Variants in GPR176 observed in about 807,000 individuals in gnomAD.
GPR176 encodes G protein-coupled receptor 176, also known as G-protein coupled receptor 176.
In GPR176, 26 loss-of-function variants were observed where a neutral mutation model predicts 35.4. The observed-to-expected ratio is 0.74, with a 90% CI of 0.54 to 1.02. The LOEUF (loss-of-function observed/expected upper bound fraction) is 1.02, where lower values mean the gene tolerates loss of function less well. Ranked by LOEUF, GPR176 falls within the 50% of genes least tolerant of loss-of-function variation. The pLI is 0.00. For missense variants in GPR176, 597 were observed against 665.3 expected, an observed-to-expected ratio of 0.90 and a Z score of 1.13; for synonymous variants, 278 against 271.3, an observed-to-expected ratio of 1.02 and a Z score of -0.24.
chr15:39,812,895 T>A (rs1899667626), intron 1 of GPR176, among the ~76,000 whole-genome samples: 1 of 151,856 alleles, frequency 6.6e-6, no homozygotes, highest in East Asian at 1.9e-4. Flanking sequence ...TGGTGCATAC[T>A]ACCATGCTTG....
At chr15:39,909,572 A>C (rs1204509878) in intron 1 of GPR176, among the ~76,000 whole-genome samples, 1 of 152,220 alleles carries the variant, frequency 6.6e-6, no homozygotes, top group South Asian at 2.1e-4. Flanking sequence ...AAGAAAAACA[A>C]AACACTTGCA....
intron 1 of GPR176, among the ~76,000 whole-genome samples, chr15:39,856,768 GA>G (rs2031248226): frequency 6.6e-6 from 1 of 152,224 alleles, no homozygotes; most frequent in African/African-American, 2.4e-5. Flanking sequence ...TCAATGGGAT[GA>G]ATACATTGGA....
chr15:39,895,282 GGAGAGGA>G (rs1307232097), intron 1 of GPR176, among the ~76,000 whole-genome samples: 1 of 61,054 alleles, frequency 1.6e-5, no homozygotes, highest in Non-Finnish European at 4.1e-5. Flanking sequence ...GAGACCGTGG[GGAGAGGA>G]AGAGGGGGAG....
intron 1 of GPR176, among the ~76,000 whole-genome samples, chr15:39,905,361 A>G (rs1488229967): frequency 6.6e-6 from 1 of 151,770 alleles, no homozygotes; most frequent in Non-Finnish European, 1.5e-5. Flanking sequence ...CTGTAATCCC[A>G]GCACTTTGGG....
chr15:39,805,926 A>G (rs369057995), intron 2 of GPR176, among the ~76,000 whole-genome samples: 29 of 152,218 alleles, frequency 1.9e-4, no homozygotes, highest in African/African-American at 6.8e-4. Context: ...CCAGGCTTCT[A>G]TTCCAACATC....
At chr15:39,874,690 A>T (rs2032175350) in intron 1 of GPR176, among the ~76,000 whole-genome samples, 1 of 152,202 alleles carries the variant, frequency 6.6e-6, no homozygotes, top group South Asian at 2.1e-4. Context: ...GTTTCTTATT[A>T]TCATTGCTTT....
chr15:39,851,444 A>T (rs78092957), intron 1 of GPR176, among the ~76,000 whole-genome samples: 29,404 of 151,984 alleles, frequency 0.19, 3,232 homozygotes, highest in Admixed American at 0.35. Flanking sequence ...TACTTGAAAT[A>T]TTTTTTTCCA....
intron 1 of GPR176, among the ~76,000 whole-genome samples, chr15:39,867,222 A>G (rs1360136916): frequency 1.3e-5 from 2 of 152,202 alleles, no homozygotes; most frequent in Admixed American, 6.5e-5. Flanking sequence ...TCAGTCCCAT[A>G]ATACATGGGC....
At chr15:39,868,914 T>A (rs982066223) in intron 1 of GPR176, among the ~76,000 whole-genome samples, 2 of 151,300 alleles carry the variant, frequency 1.3e-5, no homozygotes, top group Admixed American at 1.3e-4. Flanking sequence ...CATAAAAGAG[T>A]CTGAGGTCAC....
At chr15:39,855,866 G>A (rs562251613) in intron 1 of GPR176, among the ~76,000 whole-genome samples, 1 of 152,310 alleles carries the variant, frequency 6.6e-6, no homozygotes, top group East Asian at 1.9e-4. Flanking sequence ...CAATAACACA[G>A]TAACACTTAC....
At chr15:39,835,025 TTTTTA>T (rs904198159) in intron 1 of GPR176, among the ~76,000 whole-genome samples, 30 of 152,186 alleles carry the variant, frequency 2.0e-4, no homozygotes, top group Admixed American at 9.8e-4. Context: ...AATATCTTTT[TTTTTA>T]TTTTGAGACA....
At chr15:39,840,712 C>T (rs183017978) in intron 1 of GPR176, among the ~76,000 whole-genome samples, 158 of 152,172 alleles carry the variant, frequency 1.0e-3, no homozygotes, top group African/African-American at 3.8e-3. Context: ...ACCTTAAATA[C>T]AGATCTAACC....
At position 39,920,151 on chromosome 15, in the gene GPR176, A is replaced by G; in HGVS notation, c.-125T>C. On this transcript the variant is annotated 5_prime_UTR_variant, in exon 1 of 3. Coordinates refer to ENST00000561100, the MANE Select transcript of GPR176 (RefSeq NM_007223.3). The stretch of plus-strand genomic sequence containing the variant: ...AGTCCTGGAGAAGCCGGAGCAGCCG[A>G]CGGGTCCCCTCACGTCTCCACATCG... The G allele has an allele frequency of 1.7e-6, 1 of 598,860 alleles. No homozygotes were observed. The highest frequency in any genetic ancestry group is 6.0e-5 in the South Asian group (1 of 16,760). The allele number at this position is 598,860 out of a possible 1,614,324, so 37.1% of individuals were successfully genotyped here.
At chr15:39,829,199 C>T (rs1249660674) in intron 1 of GPR176, 1 of 1,528,622 alleles carries the variant, frequency 6.5e-7, no homozygotes, top group Non-Finnish European at 8.7e-7. Flanking sequence ...CAACACCTCA[C>T]AACGCAACCC....
At chr15:39,913,832 G>T (rs2033646720) in intron 1 of GPR176, among the ~76,000 whole-genome samples, 1 of 152,184 alleles carries the variant, frequency 6.6e-6, no homozygotes, top group Non-Finnish European at 1.5e-5. Flanking sequence ...AGATCACAAG[G>T]TCAGGAGATC....
intron 1 of GPR176, chr15:39,909,854 A>G: frequency 2.1e-6 from 2 of 933,670 alleles, no homozygotes; most frequent in Non-Finnish European, 2.6e-6. Context: ...GGTAATCTTG[A>G]GGTTTTCTTT....
At chr15:39,864,190 C>T (rs780580428) in intron 1 of GPR176, among the ~76,000 whole-genome samples, 1 of 152,170 alleles carries the variant, frequency 6.6e-6, no homozygotes, top group Non-Finnish European at 1.5e-5. Context: ...AGATCCCCTA[C>T]TCCTGACCAG....
At chr15:39,908,307 G>A (rs1191345725) in intron 1 of GPR176, among the ~76,000 whole-genome samples, 1 of 152,158 alleles carries the variant, frequency 6.6e-6, no homozygotes, top group Non-Finnish European at 1.5e-5. Context: ...CAATTCTCCA[G>A]GCTCTGGATT....
At chr15:39,843,438 G>A (rs946283107) in intron 1 of GPR176, among the ~76,000 whole-genome samples, 43 of 152,058 alleles carry the variant, frequency 2.8e-4, no homozygotes, top group African/African-American at 9.6e-4. Flanking sequence ...AATTGCTATC[G>A]ACTGCAGCAT....
Sources: gnomAD v4.1 joint callset for allele counts (sites outside exome capture counted in the v4.1 genomes callset) on GRCh38, gnomAD v4.1.1 for gene constraint, MANE v1.5 for transcripts, NCBI Gene and HGNC (gene_info 2026-07-23, HGNC 2026-07-21) for gene names.